AGO1: variants seen among roughly 807,000 people sequenced by gnomAD.
AGO1 encodes argonaute RISC component 1.
AGO1 carries 11 observed loss-of-function variants against 109.2 expected under a neutral mutation model. The observed-to-expected ratio is 0.10, with a 90% CI of 0.06 to 0.17. AGO1 has a LOEUF of 0.17. Among genes scored for constraint, AGO1 ranks in the 10% least tolerant of loss-of-function variants. AGO1 has a pLI of 1.00. For synonymous variants in AGO1, 422 were observed against 418.6 expected, an observed-to-expected ratio of 1.01 and a Z score of -0.10; for missense variants, 574 against 1,140.3, an observed-to-expected ratio of 0.50 and a Z score of 7.15.
chr1:35,912,666 C>T (rs934193429), intron 12 of AGO1, among the ~76,000 whole-genome samples: 2 of 151,910 alleles, frequency 1.3e-5, no homozygotes, highest in African/African-American at 4.8e-5. Context: ...CTCTGCCTCC[C>T]AGGTTCAAGT....
Position 35,901,662 on chromosome 1 carries a change from A to AG in AGO1, c.1140+71dup, listed in dbSNP as rs1171305751. On this transcript the variant is annotated intron_variant, in intron 9 of 18. Coordinates refer to ENST00000373204, the MANE Select transcript of AGO1 (RefSeq NM_012199.5). The surrounding 1 kb of genome is among the most constrained non-coding windows in gnomAD (Gnocchi z 4.8). The stretch of plus-strand genomic sequence containing the variant: ...AGCATAAATGTTTTAATGCCCCAGC[A>AG]GGACCTTCCTTCAGGAGAACCCAAG... 1.9e-6 allele frequency: 3 copies of AG among 1,607,352 alleles called. No individual in the cohort carries two copies. The highest frequency in any genetic ancestry group is 2.6e-6 in the Non-Finnish European group (3 of 1,176,050).
In AGO1 at chr1:35,888,444, C is replaced by T; in HGVS notation, c.43C>T (p.Pro15Ser). Residue 15 changes from proline to serine, a missense_variant, in exon 2 of 19, where the codon CCC becomes TCC. Around this residue, in one of 8 missense-constraint regions of AGO1, gnomAD observed 89 missense variants for 109.6 expected, o/e 0.81. Coordinates refer to ENST00000373204, the MANE Select transcript of AGO1 (RefSeq NM_012199.5). This position sits in a 1 kb window ranked among gnomAD's most constrained non-coding sequence, Gnocchi z 4.1. ...TCTTGTAGCTGCGGGCGCTTACCTG[C>T]CCCCCCTGCAGCAGGTGTTCCAGGC... Reference protein sequence around the residue: ...PSGAAAGAYLPPLQQVFQAPR... With the variant: ...PSGAAAGAYLSPLQQVFQAPR... The T allele has an allele frequency of 1.2e-6, 2 of 1,613,556 alleles. No homozygotes were observed. Among genetic ancestry groups the T allele is most frequent in the African/African-American group, 1.3e-5 (1 of 75,008 alleles).
At chr1:35,880,016 G>A (rs1645022829), upstream of AGO1, among the ~76,000 whole-genome samples, 1 of 152,030 alleles carries the variant, frequency 6.6e-6, no homozygotes, top group African/African-American at 2.4e-5. Context: ...TTACATCAGG[G>A]CAGAGGTCTT....
chr1:35,892,708 C>A, intron 3 of AGO1, 31 bp downstream of exon 3: 1 of 1,614,030 alleles, frequency 6.2e-7, no homozygotes, highest in South Asian at 1.1e-5. Flanking sequence ...AGGCCTGTGT[C>A]AGGGGTCTGG....
Position 35,888,736 on chromosome 1 carries a change from A to G in AGO1, c.209+126A>G. The G allele has an allele frequency of 9.6e-7, 1 of 1,038,816 alleles. No individual in the cohort carries two copies. Among genetic ancestry groups the G allele is most frequent in the Non-Finnish European group, 1.4e-6 (1 of 727,976 alleles). 64.3% of individuals were successfully genotyped at this position (1,038,816 alleles called of 1,614,324 possible). ...ATCTAAGGAAGTTTTTGAACGGGAG[A>G]TGCCACGTCGGGTAAATGCTGAAAA... is the stretch of plus-strand genomic sequence containing the variant. On this transcript the variant is annotated intron_variant, in intron 2 of 18. Transcript: ENST00000373204. This position sits in a 1 kb window ranked among gnomAD's most constrained non-coding sequence, Gnocchi z 4.1.
chr1:35,900,983 C>CTT (rs1161684689), intron 8 of AGO1, among the ~76,000 whole-genome samples: 13 of 140,778 alleles, frequency 9.2e-5, no homozygotes, highest in South Asian at 4.5e-4. Context: ...TTGAATTGCC[C>CTT]TTTTTTTTTT....
chr1:35,905,567 T>C (rs2791962), intron 11 of AGO1, among the ~76,000 whole-genome samples: 35,587 of 151,894 alleles, frequency 0.23, 6,866 homozygotes, highest in East Asian at 0.69. Flanking sequence ...TCCTGTTTCA[T>C]GTGATTCTCC....
chr1:35,921,303 T>TC lies in AGO1; in HGVS notation c.*1696_*1697insC, dbSNP rs1645827744. Reference sequence around the variant, plus strand: ...ATGGACTTTTTTTTTTTTTTTTTTTTGTCTTGAGACATGGGGTTTGGCTGT... The same window carrying TC: ...ATGGACTTTTTTTTTTTTTTTTTTTTCGTCTTGAGACATGGGGTTTGGCTGT... On this transcript the variant is annotated 3_prime_UTR_variant, in exon 19 of 19. Coordinates refer to ENST00000373204, the MANE Select transcript of AGO1 (RefSeq NM_012199.5). The TC allele has an allele frequency of 6.7e-6, 1 of 150,196 alleles. No homozygotes were observed. Among genetic ancestry groups the TC allele is most frequent in the Admixed American group, 6.6e-5 (1 of 15,080 alleles). 9.3% of individuals were successfully genotyped at this position (150,196 alleles called of 1,614,324 possible).
rs1238792437 is a variant in AGO1, at chr1:35,901,281, T to G, written c.1021-193T>G. ...CCACCATGCCCGGCCTGAATCGCCTTTTACAATGCACACGAATATTTTCTA... is the reference window on the plus strand; with the variant it reads ...CCACCATGCCCGGCCTGAATCGCCTGTTACAATGCACACGAATATTTTCTA... On this transcript the variant is annotated intron_variant, in intron 8 of 18. Coordinates refer to ENST00000373204, the MANE Select transcript of AGO1 (RefSeq NM_012199.5). The surrounding 1 kb of genome is among the most constrained non-coding windows in gnomAD (Gnocchi z 4.8). 6.6e-6 allele frequency among the ~76,000 whole-genome samples: 1 copy of G among 152,196 alleles called. No homozygotes were observed. Among genetic ancestry groups the G allele is most frequent in the African/African-American group, 2.4e-5 (1 of 41,446 alleles).
At chr1:35,876,054 A>C (rs1225775826) in intron 1 of AGO1, among the ~76,000 whole-genome samples, 1 of 152,190 alleles carries the variant, frequency 6.6e-6, no homozygotes, top group Non-Finnish European at 1.5e-5. Context: ...AGGAGGTCCA[A>C]ATATCAACAA....
rs769848231 is a variant in AGO1, at chr1:35,893,075, C to A, written c.331-22C>A. The A allele has an allele frequency of 1.1e-5, 18 of 1,609,270 alleles. No individual in the cohort carries two copies. Among genetic ancestry groups the A allele is most frequent in the Non-Finnish European group, 1.4e-5 (16 of 1,176,978 alleles). On this transcript the variant is annotated intron_variant, in intron 3 of 18. Coordinates refer to ENST00000373204, the MANE Select transcript of AGO1 (RefSeq NM_012199.5). The surrounding 1 kb of genome is among the most constrained non-coding windows in gnomAD (Gnocchi z 5.6). ...CGCAGAGCAATGGCAATCCTTCATC[C>A]CTTTCTTTCACCCTCCTGAAGGTCG...
In AGO1 at chr1:35,930,234, T is replaced by C. The variant is rs150294351; in HGVS notation, c.*10627T>C. 1.8e-4 allele frequency: 27 copies of C among 152,144 alleles called. No homozygotes were observed. Among genetic ancestry groups the C allele is most frequent in the African/African-American group, 6.3e-4 (26 of 41,476 alleles). 9.4% of individuals were successfully genotyped at this position (152,144 alleles called of 1,614,324 possible). ...TAGTAGACTAACAGGTGCCCCACCA[T>C]AGATGGGTGGTCCGGAAAAGGCGTC... On this transcript the variant is annotated 3_prime_UTR_variant, in exon 19 of 19. Coordinates refer to ENST00000373204, the MANE Select transcript of AGO1 (RefSeq NM_012199.5).
rs115060152 is a variant in AGO1, at chr1:35,911,225, A to T, written c.1583-2617A>T. Among the ~76,000 whole-genome samples, 989 of 152,306 alleles carry T rather than the reference A, an allele frequency of 6.5e-3. 7 individuals are homozygous for T. Among genetic ancestry groups the T allele is most frequent in the African/African-American group, 0.023 (941 of 41,556 alleles). The stretch of plus-strand genomic sequence containing the variant: ...TGTATAAGAGTGCTAGATAGTTCAT[A>T]TCCTTATCAAACTTGGTATCCGTCT... On this transcript the variant is annotated intron_variant, in intron 12 of 18. Coordinates refer to ENST00000373204, the MANE Select transcript of AGO1 (RefSeq NM_012199.5).
chr1:35,876,290 G>A (rs1387585683), intron 1 of AGO1, among the ~76,000 whole-genome samples: 1 of 149,086 alleles, frequency 6.7e-6, no homozygotes, highest in Non-Finnish European at 1.5e-5. Context: ...TTTTTGAGAC[G>A]GAGTCTCACT....
chr1:35,906,825 AC>A (rs1645528830), intron 11 of AGO1, 109 bp from the exon 12 acceptor site: 16 of 923,658 alleles, frequency 1.7e-5, no homozygotes, highest in Admixed American at 5.4e-5. Context: ...AAAAAAAAAA[AC>A]CAATCTCTCA....
At chr1:35,910,010 C>T (rs1645604725) in intron 12 of AGO1, among the ~76,000 whole-genome samples, 1 of 151,942 alleles carries the variant, frequency 6.6e-6, no homozygotes. Context: ...AATTATGTTA[C>T]ACTTCTCTCT....
Position 35,888,377 on chromosome 1 carries a change from T to C in AGO1, c.26-50T>C. 1 of 1,584,004 alleles carries C rather than the reference T, an allele frequency of 6.3e-7. No homozygotes were observed. Among genetic ancestry groups the C allele is most frequent in the South Asian group, 1.1e-5 (1 of 88,328 alleles). ...GGCCTTGTTCCTCCTCTGATAAGAG[T>C]AGTTAGGAGATTGCCAGACTTTACC... On this transcript the variant is annotated intron_variant, in intron 1 of 18. Coordinates refer to ENST00000373204, the MANE Select transcript of AGO1 (RefSeq NM_012199.5). This position sits in a 1 kb window ranked among gnomAD's most constrained non-coding sequence, Gnocchi z 4.1.
rs1645850330 is a variant in AGO1 at position 35,922,467 on chromosome 1, ACCCCC to A, written c.*2861_*2865del. 1 of 152,146 alleles carries A rather than the reference ACCCCC, an allele frequency of 6.6e-6. No individual in the cohort carries two copies. Among genetic ancestry groups the A allele is most frequent in the Non-Finnish European group, 1.5e-5 (1 of 68,060 alleles). 9.4% of individuals were successfully genotyped at this position (152,146 alleles called of 1,614,324 possible). A position where few individuals can be genotyped will look rare whatever the true frequency, so the allele number is the denominator to read the frequency against. On this transcript the variant is annotated 3_prime_UTR_variant, in exon 19 of 19. Coordinates refer to ENST00000373204, the MANE Select transcript of AGO1 (RefSeq NM_012199.5). ...CAAGCTTCAAGGAAGTGCTTGGGGG[ACCCCC>A]AGCCTCATCCTCTTAGTTGGGTCTC...
chr1:35,869,894 C>T (rs1042512783), exon 1 of AGO1: 2 of 152,132 alleles, frequency 1.3e-5, no homozygotes, highest in East Asian at 3.9e-4. Context: ...AATTGGAGGA[C>T]TATATTCAGG....
Sources: gnomAD v4.1 joint callset for allele counts (sites outside exome capture counted in the v4.1 genomes callset) on GRCh38, gnomAD v4.1.1 for gene constraint, gnomAD v4.1.1 regional missense constraint, Gnocchi (gnomAD v3.1) non-coding constraint, MANE v1.5 for transcripts, NCBI Gene and HGNC (gene_info 2026-07-23, HGNC 2026-07-21) for gene names.